The following COL4A2 variants were observed in gnomAD, a reference collection of about 807,000 sequenced individuals.
COL4A2 encodes collagen type IV alpha 2 chain, also known as collagen alpha-2(IV) chain.
COL4A2 carries 99 observed loss-of-function variants against 200.2 expected under a neutral mutation model. The observed-to-expected ratio is 0.49, with a 90% CI of 0.42 to 0.58. COL4A2 has a LOEUF of 0.58. COL4A2 is among the 20% of genes least tolerant of loss of function. The pLI is 0.00. For missense variants in COL4A2, 1,950 were observed against 2,314.1 expected (o/e 0.84, Z 3.23); for synonymous variants, 897 against 900.6 (o/e 1.00, Z 0.07).
intron 3 of COL4A2, among the ~76,000 whole-genome samples, chr13:110,338,336 GAGAGAGAGAGAA>G (rs1435157622): frequency 2.6e-5 from 4 of 151,416 alleles, no homozygotes; most frequent in East Asian, 3.9e-4. Flanking sequence ...CAGTGAGGGA[GAGAGAGAGAGAA>G]AGAGAGAGAG....
chr13:110,512,029 T>C lies in COL4A2; in HGVS notation c.4977T>C (p.Asn1659=). The C allele has an allele frequency of 6.2e-7, 1 of 1,613,484 alleles. No individual in the cohort carries two copies. Among genetic ancestry groups the C allele is most frequent in the Admixed American group, 1.7e-5 (1 of 60,026 alleles). ...DFRATPFIEC[N]GGRGTCHYYA... ...GCGCCACACCATTCATCGAATGCAA[T>C]GGAGGCCGCGGCACCTGCCACTACT... Residue 1659 remains asparagine, a synonymous_variant, in exon 48 of 48, where the codon AAT becomes AAC. Coordinates refer to ENST00000360467, the MANE Select transcript of COL4A2 (RefSeq NM_001846.4).
At chr13:110,367,798 C>T (rs1259567620) in intron 4 of COL4A2, among the ~76,000 whole-genome samples, 1 of 152,208 alleles carries the variant, frequency 6.6e-6, no homozygotes, top group African/African-American at 2.4e-5. Flanking sequence ...CTGCTCATTT[C>T]AACCCTGCTT....
At chr13:110,311,445 G>A (rs111436694) in intron 3 of COL4A2, among the ~76,000 whole-genome samples, 4 of 152,282 alleles carry the variant, frequency 2.6e-5, no homozygotes, top group African/African-American at 9.6e-5. Flanking sequence ...TCAGTCTGGT[G>A]GGCAGCTGAG....
chr13:110,338,505 A>G (rs1421147340), intron 3 of COL4A2, among the ~76,000 whole-genome samples: 1 of 152,142 alleles, frequency 6.6e-6, no homozygotes, highest in African/African-American at 2.4e-5. Flanking sequence ...AAACCCAGAT[A>G]ATTCTACTAG....
chr13:110,351,246 C>G (rs12017334), intron 3 of COL4A2, among the ~76,000 whole-genome samples: 1 of 119,044 alleles, frequency 8.4e-6, no homozygotes, highest in Non-Finnish European at 1.8e-5. Flanking sequence ...TTTGTTTGTT[C>G]GTTTGTTTTG....
chr13:110,502,812 G>T, intron 41 of COL4A2: 1 of 295,082 alleles, frequency 3.4e-6, no homozygotes, highest in Non-Finnish European at 6.3e-6. Flanking sequence ...GAGGGTTGGG[G>T]GGAGAGGGAC....
intron 4 of COL4A2, among the ~76,000 whole-genome samples, chr13:110,402,670 C>T (rs763562787): frequency 3.7e-4 from 57 of 152,336 alleles, no homozygotes; most frequent in Admixed American, 9.1e-4. Flanking sequence ...CAGACTGAGG[C>T]TTTTTCTGCA....
At chr13:110,355,541 C>T (rs113348147) in intron 3 of COL4A2, among the ~76,000 whole-genome samples, 11 of 65,862 alleles carry the variant, frequency 1.7e-4, no homozygotes, top group East Asian at 4.7e-4. Context: ...ACTAGCTCAC[C>T]TGTGTGTGTG....
intron 28 of COL4A2, among the ~76,000 whole-genome samples, chr13:110,472,239 C>T (rs1466899846): frequency 6.6e-6 from 1 of 152,014 alleles, no homozygotes; most frequent in East Asian, 1.9e-4. Context: ...CCTCAGCCTC[C>T]TGAGTAGCTG....
intron 3 of COL4A2, among the ~76,000 whole-genome samples, chr13:110,336,106 T>C (rs1054352845): frequency 1.3e-5 from 2 of 152,236 alleles, no homozygotes; most frequent in African/African-American, 4.8e-5. Flanking sequence ...TGGAGTTTTT[T>C]GATTTTTAAC....
chr13:110,448,617 A>T (rs1881414753), intron 18 of COL4A2, among the ~76,000 whole-genome samples: 1 of 152,266 alleles, frequency 6.6e-6, no homozygotes, highest in East Asian at 1.9e-4. Flanking sequence ...GTTTGTATTA[A>T]AAGAAATGAT....
At chr13:110,401,957 C>T (rs1879386686) in intron 4 of COL4A2, among the ~76,000 whole-genome samples, 1 of 152,222 alleles carries the variant, frequency 6.6e-6, no homozygotes, top group South Asian at 2.1e-4. Context: ...CTCTAATGAC[C>T]TAATCACTTC....
chr13:110,438,491 G>A (rs1027542345), intron 14 of COL4A2, 127 bp from the exon 15 acceptor site: 37 of 1,277,610 alleles, frequency 2.9e-5, no homozygotes, highest in Non-Finnish European at 4.0e-5. Flanking sequence ...GTTGAGCATC[G>A]CCAGGCGGTC....
chr13:110,309,670 A>G (rs1389990285), intron 3 of COL4A2, among the ~76,000 whole-genome samples: 1 of 152,136 alleles, frequency 6.6e-6, no homozygotes, highest in African/African-American at 2.4e-5. Context: ...TGGTAGAAAG[A>G]CCACCAAGCA....
intron 28 of COL4A2, among the ~76,000 whole-genome samples, chr13:110,471,942 A>T (rs1412917128): frequency 6.6e-6 from 1 of 151,878 alleles, no homozygotes. Flanking sequence ...TTTCCTTCTG[A>T]GCACTGCGTG....
At chr13:110,457,511 C>A in intron 21 of COL4A2, 76 bp downstream of exon 21, 2 of 882,402 alleles carry the variant, frequency 2.3e-6, no homozygotes, top group Non-Finnish European at 3.8e-6. Context: ...AGGTGAAATC[C>A]ATCCCCCACT....
intron 40 of COL4A2, among the ~76,000 whole-genome samples, chr13:110,497,105 CA>C (rs1378193359): frequency 6.7e-6 from 1 of 150,210 alleles, no homozygotes; most frequent in African/African-American, 2.5e-5. Context: ...CAGCCTCAGT[CA>C]GGGGTAAGGA....
At chr13:110,353,278 G>T (rs562365467) in intron 3 of COL4A2, among the ~76,000 whole-genome samples, 15 of 152,330 alleles carry the variant, frequency 9.8e-5, no homozygotes, top group South Asian at 4.1e-4. Context: ...CATGAAGGGG[G>T]TGAGCAGAGA....
chr13:110,309,528 G>C (rs903841664), intron 3 of COL4A2, among the ~76,000 whole-genome samples: 2 of 152,198 alleles, frequency 1.3e-5, no homozygotes, highest in Non-Finnish European at 2.9e-5. Context: ...ATACCACATC[G>C]GGCTGTGTGT....
Sources: allele counts gnomAD v4.1 joint callset (sites outside exome capture counted in the v4.1 genomes callset), GRCh38; gene constraint gnomAD v4.1.1; transcripts MANE v1.5; gene names NCBI Gene and HGNC (gene_info 2026-07-23, HGNC 2026-07-21).